The following DLGAP2 variants were observed in gnomAD, a reference collection of about 807,000 sequenced individuals.
DLGAP2 encodes the protein DLG associated protein 2.
A neutral mutation model predicts 100.3 loss-of-function variants in DLGAP2; 26 were observed. That is an observed-to-expected ratio of 0.26 (90% CI 0.19 to 0.36). The LOEUF is 0.36. DLGAP2 is among the 10% of genes least tolerant of loss of function. DLGAP2 has a pLI of 1.00. For synonymous variants in DLGAP2, 886 were observed against 630.1 expected (o/e 1.41, Z -6.08); for missense variants, 1,858 against 1,453.2 (o/e 1.28, Z -4.53).
chr8:1,485,882 G>T (rs146073489), intron 3 of DLGAP2, among the ~76,000 whole-genome samples: 5,229 of 152,214 alleles, frequency 0.034, 280 homozygotes, highest in African/African-American at 0.12. Context: ...AAATTAGCTG[G>T]GTGTGGTGGT....
chr8:1,603,679 C>T lies in DLGAP2; in HGVS notation c.1443-23061C>T, dbSNP rs183914501. The stretch of plus-strand genomic sequence containing the variant: ...ATTCTTTTGGGTTGTGCCAGCAAGG[C>T]CATGACATCTCCTCCACACTGTGAT... On this transcript the variant is annotated intron_variant, in intron 6 of 14. Coordinates refer to ENST00000637795, the MANE Select transcript of DLGAP2 (RefSeq NM_001346810.2). Among the ~76,000 whole-genome samples the T allele has an allele frequency of 1.9e-3, 260 of 133,466 alleles. 2 individuals carry two copies. Among genetic ancestry groups the T allele is most frequent in the Non-Finnish European group, 3.5e-3 (219 of 61,958 alleles). The allele number at this position is 133,466 out of a possible 152,430, so 87.6% of individuals were successfully genotyped here. A position where few individuals can be genotyped will look rare whatever the true frequency, so the allele number is the denominator to read the frequency against.
intron 2 of DLGAP2, among the ~76,000 whole-genome samples, chr8:1,135,643 T>G (rs147008049): frequency 1.1e-4 from 16 of 151,512 alleles, no homozygotes; most frequent in African/African-American, 3.4e-4. Context: ...CTCACTGCCT[T>G]GCGGCATGTC....
At chr8:1,229,725 C>T (rs191897994) in intron 2 of DLGAP2, among the ~76,000 whole-genome samples, 170 of 152,284 alleles carry the variant, frequency 1.1e-3, no homozygotes, top group African/African-American at 3.9e-3. Flanking sequence ...GCACACAAAT[C>T]AATAAATGCA....
chr8:1,449,867 G>T (rs1470398076), intron 3 of DLGAP2, among the ~76,000 whole-genome samples: 90 of 148,966 alleles, frequency 6.0e-4, no homozygotes, highest in Non-Finnish European at 9.1e-4. Flanking sequence ...TGAAGACGAG[G>T]TGGGCGGCCT....
chr8:1,190,794 C>T (rs1797617154), intron 2 of DLGAP2, among the ~76,000 whole-genome samples: 1 of 152,028 alleles, frequency 6.6e-6, no homozygotes, highest in Non-Finnish European at 1.5e-5. Flanking sequence ...GTGCACGCAG[C>T]AGCAAGGCGT....
intron 3 of DLGAP2, among the ~76,000 whole-genome samples, chr8:1,285,036 T>C (rs1294233631): frequency 6.6e-6 from 1 of 152,248 alleles, no homozygotes; most frequent in African/African-American, 2.4e-5. Context: ...TTGGTGTTTT[T>C]CCATAATTTA....
intron 12 of DLGAP2, among the ~76,000 whole-genome samples, chr8:1,690,946 T>C (rs1252664392): frequency 6.6e-6 from 1 of 152,152 alleles, no homozygotes; most frequent in Non-Finnish European, 1.5e-5. Context: ...AGCCACATCT[T>C]CCTACGTGCT....
intron 1 of DLGAP2, among the ~76,000 whole-genome samples, chr8:752,362 C>T (rs1820813432): frequency 6.6e-6 from 1 of 152,228 alleles, no homozygotes; most frequent in South Asian, 2.1e-4. Context: ...GCCTAGTGTG[C>T]CCGGGCCGGT....
At chr8:1,640,446 A>G (rs1797870594) in intron 8 of DLGAP2, among the ~76,000 whole-genome samples, 1 of 152,178 alleles carries the variant, frequency 6.6e-6, no homozygotes, top group Admixed American at 6.5e-5. Context: ...CAACAACGAT[A>G]TCGTGCGGGA....
chr8:1,333,537 C>T (rs1801205453), intron 3 of DLGAP2, among the ~76,000 whole-genome samples: 1 of 152,154 alleles, frequency 6.6e-6, no homozygotes, highest in Admixed American at 6.5e-5. Flanking sequence ...TCCCGTGAGT[C>T]CTGTGTGCAG....
chr8:1,255,779 T>C, intron 2 of DLGAP2, among the ~76,000 whole-genome samples: 1 of 141,086 alleles, frequency 7.1e-6, no homozygotes, highest in Middle Eastern at 4.1e-3. Context: ...GCTGTGTGTG[T>C]GTCCTCTCAT....
Position 1,419,185 on chromosome 8 carries a change from G to A in DLGAP2, c.107-82181G>A, listed in dbSNP as rs142410996. 5.8e-3 allele frequency among the ~76,000 whole-genome samples: 846 copies of A among 145,606 alleles called. 21 individuals are homozygous for A. Among genetic ancestry groups the A allele is most frequent in the African/African-American group, 0.02 (770 of 39,114 alleles). On this transcript the variant is annotated intron_variant, in intron 3 of 14. Transcript: ENST00000637795. ...TAATTGTACATGTTTGTGGGATACT[G>A]TGTTACACTCTGATGCGTGCGTGTG...
intron 2 of DLGAP2, among the ~76,000 whole-genome samples, chr8:979,390 A>G (rs1467368050): frequency 3.3e-5 from 5 of 152,198 alleles, no homozygotes; most frequent in African/African-American, 1.2e-4. Flanking sequence ...AGCAGACATA[A>G]TAGTCTGTGA....
chr8:1,485,199 C>G (rs1357765607), intron 3 of DLGAP2, among the ~76,000 whole-genome samples: 1 of 152,202 alleles, frequency 6.6e-6, no homozygotes, highest in Admixed American at 6.5e-5. Flanking sequence ...TTCCTTTCCT[C>G]TCATCTTGCC....
At chr8:1,683,990 T>TTC (rs1563061383) in intron 12 of DLGAP2, among the ~76,000 whole-genome samples, 1 of 81,806 alleles carries the variant, frequency 1.2e-5, no homozygotes, top group East Asian at 4.3e-4. Context: ...ATATATATAC[T>TTC]TTTTTTTTTA....
chr8:766,007 A>C (rs1265945419), intron 1 of DLGAP2, among the ~76,000 whole-genome samples: 1 of 152,136 alleles, frequency 6.6e-6, no homozygotes, highest in Non-Finnish European at 1.5e-5. Flanking sequence ...TCTCTACTAA[A>C]AATACAAAAA....
chr8:1,008,731 C>A (rs919934685), intron 2 of DLGAP2, among the ~76,000 whole-genome samples: 3 of 152,176 alleles, frequency 2.0e-5, no homozygotes, highest in Non-Finnish European at 2.9e-5. Context: ...GCCGGTTCCC[C>A]GCTCCCCCAC....
At chr8:1,646,159 C>A (rs1270223471) in intron 8 of DLGAP2, among the ~76,000 whole-genome samples, 4 of 152,082 alleles carry the variant, frequency 2.6e-5, no homozygotes, top group African/African-American at 9.7e-5. Flanking sequence ...CAGATGCTTT[C>A]CCCAGTGTGG....
chr8:986,612 A>G (rs1231550597), intron 2 of DLGAP2, among the ~76,000 whole-genome samples: 3 of 151,884 alleles, frequency 2.0e-5, no homozygotes, highest in African/African-American at 7.3e-5. Context: ...AGAAAAGGAG[A>G]CTAATAATGT....
Sources: allele counts gnomAD v4.1 joint callset (sites outside exome capture counted in the v4.1 genomes callset), GRCh38; gene constraint gnomAD v4.1.1; transcripts MANE v1.5; gene names NCBI Gene and HGNC (gene_info 2026-07-23, HGNC 2026-07-21).